Variants in CAD observed in about 807,000 individuals in gnomAD.
The protein encoded by CAD is carbamoyl-phosphate synthetase 2, aspartate transcarbamylase, and dihydroorotase.
CAD carries 81 observed loss-of-function variants against 237.2 expected under a neutral mutation model. That is an observed-to-expected ratio of 0.34 (90% CI 0.29 to 0.41). The LOEUF (loss-of-function observed/expected upper bound fraction) is 0.41. Ranked by LOEUF, CAD falls within the 10% of genes least tolerant of loss-of-function variation. The pLI is 1.00. For synonymous variants in CAD, 1,196 were observed against 1,162.8 expected, an observed-to-expected ratio of 1.03 and a Z score of -0.58; for missense variants, 2,181 against 2,951.7, an observed-to-expected ratio of 0.74 and a Z score of 6.05.
In CAD at chr2:27,239,088, G is replaced by T; in HGVS notation, c.5109G>T (p.Gly1703=). 6.2e-7 allele frequency: 1 copy of T among 1,601,360 alleles called. No homozygotes were observed. Among genetic ancestry groups the T allele is most frequent in the Non-Finnish European group, 8.5e-7 (1 of 1,174,522 alleles). Residue 1703 remains glycine, a synonymous_variant, in exon 32 of 44, where the codon GGG becomes GGT. Transcript: ENST00000264705. This position sits in a 1 kb window ranked among gnomAD's most constrained non-coding sequence, Gnocchi z 4.0. The stretch of plus-strand genomic sequence containing the variant: ...AGTGTGGGTCCAGGCCCCCACCTGG[G>T]TTCCCAGGGTTAGAGACCATGCTGC... ...EEKCGSRPPP[G]FPGLETMLPL... is the part of the protein sequence containing the mutation.
rs188788897 is a variant in CAD at position 27,242,253 on chromosome 2, T to C, written c.6097-49T>C. The C allele has an allele frequency of 3.3e-5, 52 of 1,586,074 alleles. No homozygotes were observed. Among genetic ancestry groups the C allele is most frequent in the Middle Eastern group, 3.5e-4 (2 of 5,768 alleles). The stretch of plus-strand genomic sequence containing the variant: ...GACCCCAGAAGAGGGGGACTGGCAG[T>C]TGGGGGGCCTCTGAGCTGCAAAAGA... On this transcript the variant is annotated intron_variant, in intron 39 of 43. Coordinates refer to ENST00000264705, the MANE Select transcript of CAD (RefSeq NM_004341.5). The surrounding 1 kb of genome is among the most constrained non-coding windows in gnomAD (Gnocchi z 6.4).
chr2:27,221,800 T>C lies in CAD; in HGVS notation c.353-394T>C, dbSNP rs1011762415. Among the ~76,000 whole-genome samples the C allele has an allele frequency of 3.1e-5, 4 of 130,096 alleles. No individual in the cohort carries two copies. The Admixed American group carries it at 3.5e-4, about 11-fold the overall frequency. The allele number at this position is 130,096 out of a possible 152,430, so 85.3% of individuals were successfully genotyped here. On this transcript the variant is annotated intron_variant, in intron 3 of 43. Coordinates refer to ENST00000264705, the MANE Select transcript of CAD (RefSeq NM_004341.5). ...TTTTTTCTGTTCATTTGAATCTTGCTCTAAACAGGGTTCACACATTGCATT... is the reference window on the plus strand; with the variant it reads ...TTTTTTCTGTTCATTTGAATCTTGCCCTAAACAGGGTTCACACATTGCATT...
rs763169740 is a variant in CAD at position 27,240,292 on chromosome 2, C to T, written c.5524C>T (p.Pro1842Ser). The T allele has an allele frequency of 1.7e-5, 27 of 1,613,998 alleles. No individual in the cohort carries two copies. The highest frequency in any genetic ancestry group is 2.3e-5 in the Non-Finnish European group (27 of 1,180,016). ...TTPERPRRGI[P>S]GLPDGRFHLP... ...ACCTGAAAGACCCCGCCGTGGCATCCCAGGGCTTCCTGATGGCCGCTTCCA... is the reference window on the plus strand; with the variant it reads ...ACCTGAAAGACCCCGCCGTGGCATCTCAGGGCTTCCTGATGGCCGCTTCCA... Residue 1842 changes from proline to serine, a missense_variant, in exon 35 of 44, where the codon CCA becomes TCA. Pro to Ser is a moderately conservative substitution (Grantham distance 74). Transcript: ENST00000264705. The surrounding 1 kb of genome is among the most constrained non-coding windows in gnomAD (Gnocchi z 4.6).
At position 27,217,998 on chromosome 2, in the gene CAD, T is replaced by G. The variant is rs1674954275; in HGVS notation, c.204T>G (p.Asp68Glu). 1 of 1,610,242 alleles carries G rather than the reference T, an allele frequency of 6.2e-7. No homozygotes were observed. The highest frequency in any genetic ancestry group is 8.5e-7 in the Non-Finnish European group (1 of 1,177,964). ...GNYGIPPDEMDEFGLCKWFES... is the reference protein window; with the variant it reads ...GNYGIPPDEMEEFGLCKWFES... ...ATGGCATCCCCCCAGATGAAATGGA[T>G]GAGTTCGGTCTCTGCAAGGTAGCCA... The change falls in exon 2 of 44, where the codon GAT becomes GAG. Residue 68 changes from aspartate to glutamate, a missense_variant. Physicochemically the swap from Asp to Glu is conservative, Grantham distance 45. Transcript: ENST00000264705.
Position 27,217,513 on chromosome 2 carries a change from G to C in CAD, c.-39G>C, listed in dbSNP as rs1011160683. On this transcript the variant is annotated 5_prime_UTR_variant, in exon 1 of 44. Coordinates refer to ENST00000264705, the MANE Select transcript of CAD (RefSeq NM_004341.5). Reference sequence around the variant, plus strand: ...TCCAGTGGAGTTTGCAGTCCTTCCCGCTTCTCCGTACTCGCCCCCGCCTCT... The same window carrying C: ...TCCAGTGGAGTTTGCAGTCCTTCCCCCTTCTCCGTACTCGCCCCCGCCTCT... The C allele has an allele frequency of 6.5e-7, 1 of 1,536,686 alleles. No individual in the cohort carries two copies. The highest frequency in any genetic ancestry group is 8.9e-7 in the Non-Finnish European group (1 of 1,125,988).
chr2:27,236,419 C>A lies in CAD; in HGVS notation c.4210C>A (p.Arg1404Ser), dbSNP rs1307069866. 6.2e-7 allele frequency: 1 copy of A among 1,614,162 alleles called. No individual in the cohort carries two copies. The highest frequency in any genetic ancestry group is 8.5e-7 in the Non-Finnish European group (1 of 1,180,026). ...NLSMRGAGGR[R>S]LSSFVTKGYR... Reference sequence around the variant, plus strand: ...GTCAATGCGTGGAGCTGGGGGCCGGCGTCTCTCTTCCTTTGTCACCAAGGG... The same window carrying A: ...GTCAATGCGTGGAGCTGGGGGCCGGAGTCTCTCTTCCTTTGTCACCAAGGG... Residue 1404 changes from arginine (R) to serine (S), a missense_variant, in exon 26 of 44, where the codon CGT (arginine) becomes AGT (serine). Transcript: ENST00000264705. This position sits in a 1 kb window ranked among gnomAD's most constrained non-coding sequence, Gnocchi z 4.1.
Position 27,241,606 on chromosome 2 carries a change from C to A in CAD, c.5883+210C>A, listed in dbSNP as rs752344069. Among the ~76,000 whole-genome samples the A allele has an allele frequency of 2.0e-5, 3 of 152,216 alleles. No individual in the cohort carries two copies. The highest frequency in any genetic ancestry group is 2.9e-5 in the Non-Finnish European group (2 of 68,044). ...GGCTGGGGAGGCCCTGAGCATGAGA[C>A]CATCGCCCCACTAGTGGGGTCTTCT... is the stretch of plus-strand genomic sequence containing the variant. On this transcript the variant is annotated intron_variant, in intron 38 of 43. Coordinates refer to ENST00000264705, the MANE Select transcript of CAD (RefSeq NM_004341.5). This position sits in a 1 kb window ranked among gnomAD's most constrained non-coding sequence, Gnocchi z 4.6.
rs775076192 is a variant in CAD at position 27,234,158 on chromosome 2, G to A, written c.3550G>A (p.Ala1184Thr). Residue 1184 changes from alanine to threonine, a missense_variant, in exon 22 of 44, where the codon GCC (alanine) becomes ACC (threonine). Ala to Thr is a moderately conservative substitution (Grantham distance 58). Around this residue, in one of 12 missense-constraint regions of CAD, gnomAD observed 306 missense variants for 607.9 expected, o/e 0.50. Coordinates refer to ENST00000264705, the MANE Select transcript of CAD (RefSeq NM_004341.5). ...ITAKTLERIKAIVHAVGQELQ... is the reference protein window; with the variant it reads ...ITAKTLERIKTIVHAVGQELQ... The stretch of plus-strand genomic sequence containing the variant: ...TGCCAAAACCCTGGAGCGGATCAAA[G>A]CCATTGTGCATGCTGTGGGCCAGGA... 4 of 1,614,108 alleles carry A rather than the reference G, an allele frequency of 2.5e-6. No individual in the cohort carries two copies. The African/African-American group carries it at 5.3e-5, about 22-fold the overall frequency.
rs149910149 is a variant in CAD at position 27,241,946 on chromosome 2, C to T, written c.5919C>T (p.Ser1973=). The stretch of plus-strand genomic sequence containing the variant: ...TGGCCTCCATGTTCTATGAAGTGAG[C>T]ACACGGACCAGCAGCTCCTTTGCAG... ...KVMASMFYEV[S]TRTSSSFAAA... is the part of the protein sequence containing the mutation. Residue 1973 remains serine (S), a synonymous_variant, in exon 39 of 44, where the codon AGC becomes AGT. Transcript: ENST00000264705. This position sits in a 1 kb window ranked among gnomAD's most constrained non-coding sequence, Gnocchi z 4.6. 1.5e-4 allele frequency: 237 copies of T among 1,613,714 alleles called. No homozygotes were observed. The highest frequency in any genetic ancestry group is 8.6e-4 in the South Asian group (78 of 91,084).
In CAD at chr2:27,229,834, C is replaced by T. The variant is rs188668606; in HGVS notation, c.2288-1634C>T. Among the ~76,000 whole-genome samples the T allele has an allele frequency of 9.1e-3, 1,353 of 148,196 alleles. 9 individuals are homozygous for T. Among genetic ancestry groups the T allele is most frequent in the Non-Finnish European group, 0.013 (869 of 67,474 alleles). On this transcript the variant is annotated intron_variant, in intron 15 of 43. Coordinates refer to ENST00000264705, the MANE Select transcript of CAD (RefSeq NM_004341.5). ...GAGGTTGCAGTGAGCTGAGATTGCA[C>T]CACTGACTCCAGCCTGGGCAACACA...
In CAD at chr2:27,233,649, C is replaced by T. The variant is rs775840369; in HGVS notation, c.3240C>T (p.Thr1080=). 7 of 1,614,038 alleles carry T rather than the reference C, an allele frequency of 4.3e-6. No homozygotes were observed. The highest frequency in any genetic ancestry group is 4.0e-5 in the African/African-American group (3 of 74,932). ...DLESARQFCQ[T]VGYPCVVRPS... is the part of the protein sequence containing the mutation. ...AGTCTGCTCGCCAATTCTGCCAGAC[C>T]GTGGGGTACCCCTGTGTGGTGCGCC... is the stretch of plus-strand genomic sequence containing the variant. The change falls in exon 21 of 44, where the codon ACC becomes ACT. Residue 1080 remains threonine (T), a synonymous_variant. Transcript: ENST00000264705. The surrounding 1 kb of genome is among the most constrained non-coding windows in gnomAD (Gnocchi z 6.3).
In CAD at chr2:27,235,417, G is replaced by A; in HGVS notation, c.3959G>A (p.Gly1320Asp). Residue 1320 changes from glycine (G) to aspartate (D), a missense_variant, in exon 24 of 44, where the codon GGC becomes GAC. This residue lies in a region of CAD where 306 missense variants were observed against 607.9 expected (regional missense o/e 0.50). Transcript: ENST00000264705. The surrounding 1 kb of genome is among the most constrained non-coding windows in gnomAD (Gnocchi z 5.2). ...AAGAAGAATATCCTGCTGACCATTG[G>A]CAGCTATAAGGTATCAGAATCCAGG... ...IPKKNILLTIGSYKNKSELLP... is the reference protein window; with the variant it reads ...IPKKNILLTIDSYKNKSELLP... The A allele has an allele frequency of 6.2e-7, 1 of 1,610,712 alleles. No homozygotes were observed. The highest frequency in any genetic ancestry group is 8.5e-7 in the Non-Finnish European group (1 of 1,177,736).
intron 1 of CAD, 62 bp downstream of exon 1, chr2:27,217,695 C>T (rs1674934458): frequency 1.4e-6 from 2 of 1,460,208 alleles, no homozygotes; most frequent in African/African-American, 1.4e-5. Context: ...CTCCTCCCAA[C>T]CTTCCCCGTC....
rs1676391149 is a variant in CAD at position 27,242,908 on chromosome 2, A to G, written c.6415A>G (p.Thr2139Ala). 1 of 1,613,976 alleles carries G rather than the reference A, an allele frequency of 6.2e-7. No homozygotes were observed. The highest frequency in any genetic ancestry group is 1.7e-4 in the Middle Eastern group (1 of 6,056). Residue 2139 changes from threonine to alanine, a missense_variant, in exon 42 of 44, where the codon ACT becomes GCT. Thr to Ala is a moderately conservative substitution (Grantham distance 58, BLOSUM62 0). Coordinates refer to ENST00000264705, the MANE Select transcript of CAD (RefSeq NM_004341.5). The surrounding 1 kb of genome is among the most constrained non-coding windows in gnomAD (Gnocchi z 6.4). The part of the protein sequence containing the change: ...FESIEEALPD[T>A]DVLYMTRIQK... Reference sequence around the variant, plus strand: ...GAGCATTGAGGAGGCGCTGCCTGACACTGATGTGCTCTACATGACTCGAAT... The same window carrying G: ...GAGCATTGAGGAGGCGCTGCCTGACGCTGATGTGCTCTACATGACTCGAAT...
intron 13 of CAD, 72 bp from the exon 14 acceptor site, chr2:27,226,452 CT>C (rs1675447573): frequency 2.5e-6 from 4 of 1,578,214 alleles, no homozygotes; most frequent in Non-Finnish European, 2.6e-6. Flanking sequence ...TACTAGGTTA[CT>C]TTTCTCTCCT....
At position 27,217,525 on chromosome 2, in the gene CAD, T is replaced by C. The variant is rs1674921747; in HGVS notation, c.-27T>C. 1 of 1,574,038 alleles carries C rather than the reference T, an allele frequency of 6.4e-7. No homozygotes were observed. Among genetic ancestry groups the C allele is most frequent in the Non-Finnish European group, 8.7e-7 (1 of 1,155,756 alleles). On this transcript the variant is annotated 5_prime_UTR_variant, in exon 1 of 44. Transcript: ENST00000264705. Reference sequence around the variant, plus strand: ...TGCAGTCCTTCCCGCTTCTCCGTACTCGCCCCCGCCTCTGAGCTCCCTTCC... The same window carrying C: ...TGCAGTCCTTCCCGCTTCTCCGTACCCGCCCCCGCCTCTGAGCTCCCTTCC...
chr2:27,238,987 A>C, intron 31 of CAD, 55 bp from the exon 32 acceptor site: 1 of 1,483,734 alleles, frequency 6.7e-7, no homozygotes, highest in Non-Finnish European at 9.1e-7. Context: ...GGTGTGAGTG[A>C]CTTCCTAGAC....
At chr2:27,225,269 A>G (rs1187594942) in intron 11 of CAD, 26 bp downstream of exon 11, 6 of 1,351,992 alleles carry the variant, frequency 4.4e-6, no homozygotes, top group Middle Eastern at 1.8e-4. Context: ...GGGTAAAGGA[A>G]GAATGGTGGT....
chr2:27,230,714 A>G (rs1001486097), intron 15 of CAD, among the ~76,000 whole-genome samples: 1 of 152,160 alleles, frequency 6.6e-6, no homozygotes, highest in Admixed American at 6.5e-5. Context: ...CTCTGCATGG[A>G]TGAGTAGTAA....
Sources: gnomAD v4.1 joint callset for allele counts (sites outside exome capture counted in the v4.1 genomes callset) on GRCh38, gnomAD v4.1.1 for gene constraint, gnomAD v4.1.1 regional missense constraint, Gnocchi (gnomAD v3.1) non-coding constraint, MANE v1.5 for transcripts, NCBI Gene and HGNC (gene_info 2026-07-23, HGNC 2026-07-21) for gene names.